SLC5A9: variants seen among roughly 807,000 people sequenced by gnomAD.
The protein encoded by SLC5A9 is solute carrier family 5 member 9.
A neutral mutation model predicts 70.9 loss-of-function variants in SLC5A9; 59 were observed. That is an observed-to-expected ratio of 0.83 (90% CI 0.68 to 1.03). SLC5A9 has a LOEUF of 1.03. Ranked by LOEUF, SLC5A9 falls within the 50% of genes least tolerant of loss-of-function variation. The pLI, the probability that SLC5A9 is intolerant of heterozygous loss-of-function variation, is 0.00. For synonymous variants in SLC5A9, 340 were observed against 346.5 expected, an observed-to-expected ratio of 0.98 and a Z score of 0.21; for missense variants, 832 against 881.1, an observed-to-expected ratio of 0.94 and a Z score of 0.71.
In SLC5A9 at chr1:48,239,554, TA is replaced by T; in HGVS notation, c.1677+18del. 1 of 1,609,292 alleles carries T rather than the reference TA, an allele frequency of 6.2e-7. No individual in the cohort carries two copies. Among genetic ancestry groups the T allele is most frequent in the Non-Finnish European group, 8.5e-7 (1 of 1,175,612 alleles). ...GAGGAACAGGCAAGTGTTGTGCTCA[TA>T]CTGAGGCCCTCCAGAAATGCTCTCC... On this transcript the variant is annotated intron_variant, in intron 12 of 13. Coordinates refer to ENST00000438567, the MANE Select transcript of SLC5A9 (RefSeq NM_001011547.3). The surrounding 1 kb of genome is among the most constrained non-coding windows in gnomAD (Gnocchi z 4.2).
At chr1:48,241,125 T>C (rs1387205163) in intron 12 of SLC5A9, 2 of 152,230 alleles carry the variant, frequency 1.3e-5, no homozygotes, top group Non-Finnish European at 2.9e-5. Context: ...GAAATATCAG[T>C]GTTCCTTAGG....
At chr1:48,245,180 A>G (rs1341692736) in intron 13 of SLC5A9, among the ~76,000 whole-genome samples, 1 of 151,458 alleles carries the variant, frequency 6.6e-6, no homozygotes, top group African/African-American at 2.4e-5. Flanking sequence ...ATCTGAGAGC[A>G]TGAGCTTTTG....
At chr1:48,228,649 C>A in intron 2 of SLC5A9, 1 of 811,508 alleles carries the variant, frequency 1.2e-6, no homozygotes, top group Non-Finnish European at 1.9e-6. Flanking sequence ...TCTTTCCTTA[C>A]ATTAGTTCCT....
intron 12 of SLC5A9, among the ~76,000 whole-genome samples, chr1:48,241,728 TTCTC>T (rs1399498130): frequency 7.2e-6 from 1 of 138,786 alleles, no homozygotes; most frequent in Admixed American, 7.3e-5. Context: ...CTCTCTCTCT[TTCTC>T]TATCTCTTTC....
rs1282618494 is a variant in SLC5A9 at position 48,237,692 on chromosome 1, T to C, written c.1306T>C (p.Phe436Leu). 6.2e-7 allele frequency: 1 copy of C among 1,613,860 alleles called. No individual in the cohort carries two copies. The highest frequency in any genetic ancestry group is 8.5e-7 in the Non-Finnish European group (1 of 1,179,992). ...LMVVGRVFVV[F>L]LVVISILWIP... ...TCTCTCTGGCAGAGTGTTTGTGGTG[T>C]TCCTGGTTGTCATCAGCATCCTCTG... Residue 436 changes from phenylalanine to leucine, a missense_variant, in exon 11 of 14, where the codon TTC becomes CTC. Transcript: ENST00000438567.
chr1:48,227,312 CTGTGTGGGCGTGAGTGCA>C (rs1311182868), intron 2 of SLC5A9, among the ~76,000 whole-genome samples: 4 of 109,508 alleles, frequency 3.7e-5, no homozygotes, highest in Non-Finnish European at 7.4e-5. Flanking sequence ...TGTACTGTGC[CTGTGTGGGCGTGAGTGCA>C]TGTGTGTGTC....
intron 2 of SLC5A9, chr1:48,228,018 C>G (rs182568606): frequency 2.0e-5 from 3 of 152,390 alleles, no homozygotes; most frequent in East Asian, 3.9e-4. Context: ...TTCCTCTCCC[C>G]CTTCTCCCCT....
intron 12 of SLC5A9, chr1:48,240,632 C>T (rs1644380640): frequency 1.3e-5 from 2 of 152,390 alleles, no homozygotes; most frequent in South Asian, 2.1e-4. Context: ...AAATGGGCCC[C>T]TTTTCCTGCC....
In SLC5A9 at chr1:48,224,663, G is replaced by A. The variant is rs374855928; in HGVS notation, c.163-61G>A. The A allele has an allele frequency of 4.0e-5, 62 of 1,548,260 alleles. No homozygotes were observed. In the South Asian group the frequency reaches 6.5e-4, roughly 16 times the overall value. On this transcript the variant is annotated intron_variant, in intron 1 of 13. Transcript: ENST00000438567. ...CGAGGGGAAGGAAATCTGCGGGGAG[G>A]GGGCAGGGCAGAGGTTCAGAGAGTC... is the stretch of plus-strand genomic sequence containing the variant.
rs1364933167 is a variant in SLC5A9 at position 48,224,740 on chromosome 1, G to A, written c.179G>A (p.Ser60Asn). Residue 60 changes from serine to asparagine, a missense_variant, in exon 2 of 14, where the codon AGT (serine) becomes AAT (asparagine). Transcript: ENST00000438567. Reference protein sequence around the residue: ...AVGIWSSIRASRGTIGGYFLA... With the variant: ...AVGIWSSIRANRGTIGGYFLA... ...CCTTTCCAGTCGTCCATCCGTGCAA[G>A]TCGAGGGACCATTGGCGGCTATTTC... 8 of 1,614,032 alleles carry A rather than the reference G, an allele frequency of 5.0e-6. No homozygotes were observed. In the East Asian group the frequency reaches 1.6e-4, roughly 31 times the overall value.
chr1:48,232,574 G>C (rs1375892701), intron 8 of SLC5A9, 72 bp downstream of exon 8: 3 of 1,585,126 alleles, frequency 1.9e-6, no homozygotes, highest in Non-Finnish European at 2.6e-6. Flanking sequence ...ATGGGAATGT[G>C]GCCCTGGACA....
intron 2 of SLC5A9, 159 bp from the exon 3 acceptor site, chr1:48,228,690 TC>T (rs1301257889): frequency 8.2e-7 from 1 of 1,220,164 alleles, no homozygotes; most frequent in East Asian, 2.6e-5. Flanking sequence ...CTAATACCCC[TC>T]CCTGCGGATA....
chr1:48,232,037 C>T lies in SLC5A9; in HGVS notation c.783C>T (p.Leu261=). 1.2e-6 allele frequency: 2 copies of T among 1,614,198 alleles called. No homozygotes were observed. Among genetic ancestry groups the T allele is most frequent in the South Asian group, 1.1e-5 (1 of 91,090 alleles). ...CAGTCCCCAACACCACCTGTCACCTCCCACGGCCCGATGCTTTCCACATTC... is the reference window on the plus strand; with the variant it reads ...CAGTCCCCAACACCACCTGTCACCTTCCACGGCCCGATGCTTTCCACATTC... ...NVTVPNTTCH[L]PRPDAFHILR... Residue 261 remains leucine (L), a synonymous_variant, in exon 7 of 14, where the codon CTC becomes CTT. Coordinates refer to ENST00000438567, the MANE Select transcript of SLC5A9 (RefSeq NM_001011547.3).
At chr1:48,234,033 C>T (rs1332765083) in intron 9 of SLC5A9, among the ~76,000 whole-genome samples, 1 of 152,230 alleles carries the variant, frequency 6.6e-6, no homozygotes, top group East Asian at 1.9e-4. Flanking sequence ...GCCACAGGCA[C>T]AATCCAGTGG....
chr1:48,242,707 G>A (rs1644407006), intron 13 of SLC5A9, 91 bp downstream of exon 13: 6 of 1,251,452 alleles, frequency 4.8e-6, no homozygotes, highest in Non-Finnish European at 6.5e-6. Context: ...GGGACTCTGA[G>A]GGAGCCCAAT....
At position 48,235,992 on chromosome 1, in the gene SLC5A9, C is replaced by T. The variant is rs1569849424; in HGVS notation, c.1292+113C>T. 44 of 1,211,338 alleles carry T rather than the reference C, an allele frequency of 3.6e-5. No individual in the cohort carries two copies. In the East Asian group the frequency reaches 6.8e-4, roughly 19 times the overall value. 75.0% of individuals were successfully genotyped at this position (1,211,338 alleles called of 1,614,324 possible). ...GACCCTGGACTGGCAGCCAGAGCAC[C>T]GGGTTCAAGCTCCAGCTCTCCACAT... On this transcript the variant is annotated intron_variant, in intron 10 of 13. Coordinates refer to ENST00000438567, the MANE Select transcript of SLC5A9 (RefSeq NM_001011547.3).
chr1:48,235,733 G>A lies in SLC5A9; in HGVS notation c.1146G>A (p.Leu382=), dbSNP rs1569848184. The A allele has an allele frequency of 6.2e-7, 1 of 1,614,186 alleles. No homozygotes were observed. Among genetic ancestry groups the A allele is most frequent in the South Asian group, 1.1e-5 (1 of 91,090 alleles). ...ATGAGCCTCGTCTCTCCCCAGGTCT[G>A]CGGGGGCTGATGATTGCCGTGATCA... ...KLVMALMPVG[L]RGLMIAVIMA... Residue 382 remains leucine, a synonymous_variant, in exon 10 of 14, where the codon CTG becomes CTA. Coordinates refer to ENST00000438567, the MANE Select transcript of SLC5A9 (RefSeq NM_001011547.3).
At chr1:48,237,561 A>T in intron 10 of SLC5A9, 118 bp from the exon 11 acceptor site, 1 of 966,304 alleles carries the variant, frequency 1.0e-6, no homozygotes, top group East Asian at 2.5e-5. Flanking sequence ...ACCTTCTCTG[A>T]TCTAGTGATT....
intron 9 of SLC5A9, among the ~76,000 whole-genome samples, chr1:48,234,644 G>A (rs1283122884): frequency 6.6e-6 from 1 of 152,154 alleles, no homozygotes; most frequent in Non-Finnish European, 1.5e-5. Flanking sequence ...TAGGTGGTGG[G>A]CTTATAATAA....
Sources: allele counts gnomAD v4.1 joint callset (sites outside exome capture counted in the v4.1 genomes callset), GRCh38; gene constraint gnomAD v4.1.1; non-coding constraint Gnocchi (gnomAD v3.1); transcripts MANE v1.5; gene names NCBI Gene and HGNC (gene_info 2026-07-23, HGNC 2026-07-21).